PPP1R9A: variants seen among roughly 807,000 people sequenced by gnomAD.
PPP1R9A encodes the protein protein phosphatase 1 regulatory subunit 9A, also known as neurabin-1.
Under a neutral mutation model 141.9 loss-of-function variants are expected in PPP1R9A, and 59 were observed. The ratio of observed to expected loss-of-function variants is 0.42; its 90% CI spans 0.34 to 0.52. PPP1R9A has a LOEUF of 0.52. PPP1R9A is among the 20% of genes least tolerant of loss of function. The probability of loss-of-function intolerance (pLI) is 0.10; values close to 1 mark genes in which losing one functional copy is unlikely to be tolerated. For synonymous variants in PPP1R9A, 500 were observed against 569.7 expected, an observed-to-expected ratio of 0.88 and a Z score of 1.74; for missense variants, 1,444 against 1,611.9, an observed-to-expected ratio of 0.90 and a Z score of 1.78.
intron 5 of PPP1R9A, among the ~76,000 whole-genome samples, chr7:95,175,291 G>GATGGATGC (rs1832742652): frequency 6.6e-6 from 1 of 151,786 alleles, no homozygotes; most frequent in Non-Finnish European, 1.5e-5. Context: ...TGGATGGATG[G>GATGGATGC]ATGGATGTGG....
intron 2 of PPP1R9A, among the ~76,000 whole-genome samples, chr7:95,083,915 A>G (rs1301715484): frequency 1.3e-5 from 2 of 152,068 alleles, no homozygotes; most frequent in Non-Finnish European, 2.9e-5. Context: ...TGCAATCATA[A>G]TCACATTGCT....
At chr7:95,257,514 C>CT (rs373232800) in intron 12 of PPP1R9A, among the ~76,000 whole-genome samples, 1,522 of 147,220 alleles carry the variant, frequency 0.01, 22 homozygotes, top group African/African-American at 0.033. Flanking sequence ...CATATGATTT[C>CT]TTTTTTTTTT....
At chr7:95,130,106 G>C (rs1824314050) in intron 4 of PPP1R9A, among the ~76,000 whole-genome samples, 1 of 152,156 alleles carries the variant, frequency 6.6e-6, no homozygotes, top group African/African-American at 2.4e-5. Context: ...TGTCTCCAGG[G>C]CATATCAGAG....
chr7:94,950,623 C>A (rs1160173128), intron 2 of PPP1R9A, among the ~76,000 whole-genome samples: 1 of 151,954 alleles, frequency 6.6e-6, no homozygotes, highest in African/African-American at 2.4e-5. Flanking sequence ...TCATACTTTT[C>A]TATCTCTTTG....
At chr7:95,194,593 G>A (rs1333979557) in intron 5 of PPP1R9A, among the ~76,000 whole-genome samples, 1 of 151,712 alleles carries the variant, frequency 6.6e-6, no homozygotes, top group East Asian at 1.9e-4. Context: ...AAGGTACTAG[G>A]ATTAATAAAT....
intron 7 of PPP1R9A, among the ~76,000 whole-genome samples, chr7:95,215,423 A>G (rs945828163): frequency 1.3e-5 from 2 of 152,108 alleles, no homozygotes; most frequent in African/African-American, 4.8e-5. Context: ...ATAGTGCCAC[A>G]ATAAACATAC....
At chr7:95,191,411 T>G (rs894985667) in intron 5 of PPP1R9A, among the ~76,000 whole-genome samples, 1 of 152,202 alleles carries the variant, frequency 6.6e-6, no homozygotes, top group African/African-American at 2.4e-5. Flanking sequence ...TGTATAGTGA[T>G]CATATCATGG....
chr7:95,040,653 G>A (rs1369041947), intron 2 of PPP1R9A, among the ~76,000 whole-genome samples: 1 of 152,102 alleles, frequency 6.6e-6, no homozygotes, highest in Non-Finnish European at 1.5e-5. Flanking sequence ...TGAGAAAATA[G>A]TGATCATAGA....
rs1288156454 is a variant in PPP1R9A, at chr7:95,288,409, T to C, written c.3730-127T>C. The C allele has an allele frequency of 2.2e-6, 3 of 1,343,462 alleles. No individual in the cohort carries two copies. The African/African-American group carries it at 4.4e-5, about 20-fold the overall frequency. 83.2% of individuals were successfully genotyped at this position (1,343,462 alleles called of 1,614,324 possible). On this transcript the variant is annotated intron_variant, in intron 18 of 19. Transcript: ENST00000433360. ...ATTTTTTCTAACACCACTAGAACCA[T>C]TAGCTTATCATATTTTGGTTTAAAC...
At chr7:95,198,247 T>G in intron 5 of PPP1R9A, 102 bp from the exon 6 acceptor site, 1 of 1,114,826 alleles carries the variant, frequency 9.0e-7, no homozygotes, top group Non-Finnish European at 1.2e-6. Context: ...ATTACTTTCT[T>G]GAGGCTTGAT....
intron 2 of PPP1R9A, among the ~76,000 whole-genome samples, chr7:94,925,489 G>A (rs140149669): frequency 1.3e-5 from 2 of 150,842 alleles, no homozygotes; most frequent in Non-Finnish European, 2.9e-5. Flanking sequence ...ATGTCTTAGT[G>A]GGGGAGTTGG....
chr7:95,253,906 T>C (rs997273541), intron 12 of PPP1R9A, among the ~76,000 whole-genome samples: 19 of 152,106 alleles, frequency 1.2e-4, no homozygotes, highest in Non-Finnish European at 2.9e-5. Context: ...ATGAGCAGTA[T>C]CTAGTAGCTT....
chr7:95,241,164 C>T (rs1047985230), intron 8 of PPP1R9A, among the ~76,000 whole-genome samples: 3 of 152,178 alleles, frequency 2.0e-5, no homozygotes, highest in Admixed American at 6.6e-5. Context: ...GTCTTCACTG[C>T]TAGCAAGGCA....
At chr7:95,284,608 C>G (rs1039328942) in intron 17 of PPP1R9A, among the ~76,000 whole-genome samples, 2 of 152,174 alleles carry the variant, frequency 1.3e-5, no homozygotes, top group African/African-American at 4.8e-5. Context: ...TCAAGATTTA[C>G]TGAAAAGCAA....
intron 12 of PPP1R9A, among the ~76,000 whole-genome samples, chr7:95,257,017 A>G (rs1049528157): frequency 1.3e-5 from 2 of 152,162 alleles, no homozygotes; most frequent in Non-Finnish European, 2.9e-5. Flanking sequence ...TGCAGTTTTA[A>G]TTAGAATTCA....
At chr7:95,174,561 A>G (rs1047922583) in intron 5 of PPP1R9A, among the ~76,000 whole-genome samples, 1 of 152,148 alleles carries the variant, frequency 6.6e-6, no homozygotes, top group Non-Finnish European at 1.5e-5. Flanking sequence ...GATAATAGCT[A>G]TCGTTAACTT....
rs187427343 is a variant in PPP1R9A, at chr7:95,258,780, A to G, written c.2665+6650A>G. 3.3e-5 allele frequency among the ~76,000 whole-genome samples: 5 copies of G among 152,292 alleles called. No homozygotes were observed. In the East Asian group the frequency reaches 9.6e-4, roughly 29 times the overall value. On this transcript the variant is annotated intron_variant, in intron 12 of 19. Coordinates refer to ENST00000433360, the MANE Select transcript of PPP1R9A (RefSeq NM_001166160.2). Reference sequence around the variant, plus strand: ...TCAACTTCACTGGCAAAAATCAAACAATTGGCAAAGATAAAGTGTCACAGT... The same window carrying G: ...TCAACTTCACTGGCAAAAATCAAACGATTGGCAAAGATAAAGTGTCACAGT...
At chr7:95,132,190 T>C (rs758760757) in intron 4 of PPP1R9A, among the ~76,000 whole-genome samples, 5 of 152,210 alleles carry the variant, frequency 3.3e-5, no homozygotes, top group Non-Finnish European at 7.3e-5. Context: ...TTCTCTTACC[T>C]GATTGCTCTG....
intron 4 of PPP1R9A, chr7:95,156,666 A>T (rs887577665): frequency 1.3e-5 from 2 of 152,198 alleles, no homozygotes; most frequent in Admixed American, 1.3e-4. Context: ...CAGAAAGGAG[A>T]CCCTGGAGAG....
Sources: allele counts gnomAD v4.1 joint callset (sites outside exome capture counted in the v4.1 genomes callset), GRCh38; gene constraint gnomAD v4.1.1; transcripts MANE v1.5; gene names NCBI Gene and HGNC (gene_info 2026-07-23, HGNC 2026-07-21).